The following DAB1 variants were observed in gnomAD, a reference collection of about 807,000 sequenced individuals.
DAB1 encodes disabled homolog 1.
DAB1 carries 15 observed loss-of-function variants against 64.6 expected under a neutral mutation model. The ratio of observed to expected loss-of-function variants is 0.23; its 90% CI spans 0.16 to 0.36. The LOEUF is 0.36. DAB1 is among the 10% of genes least tolerant of loss of function. The probability of loss-of-function intolerance (pLI) is 1.00; values close to 1 mark genes in which losing one functional copy is unlikely to be tolerated. For synonymous variants in DAB1, 235 were observed against 251.9 expected (o/e 0.93, Z 0.64); for missense variants, 596 against 706.7 (o/e 0.84, Z 1.78).
At chr1:57,283,892 C>T (rs1558088049) in intron 2 of DAB1, among the ~76,000 whole-genome samples, 2 of 152,214 alleles carry the variant, frequency 1.3e-5, no homozygotes. Context: ...CCTGTGACAA[C>T]CAGGCTGTGG....
chr1:58,022,776 A>T (rs1328633814), intron 5 of DAB1, among the ~76,000 whole-genome samples: 1 of 152,212 alleles, frequency 6.6e-6, no homozygotes, highest in East Asian at 1.9e-4. Flanking sequence ...TTTCTATTAC[A>T]TCTTTGTATC....
intron 2 of DAB1, among the ~76,000 whole-genome samples, chr1:57,198,903 C>A (rs1169331665): frequency 6.6e-6 from 1 of 152,064 alleles, no homozygotes; most frequent in Non-Finnish European, 1.5e-5. Context: ...TGGAATAGGA[C>A]AAGAGCATAA....
intron 6 of DAB1, among the ~76,000 whole-genome samples, chr1:57,786,961 G>T (rs886525573): frequency 1.3e-5 from 2 of 151,776 alleles, no homozygotes; most frequent in East Asian, 3.9e-4. Context: ...TAACAAAAAC[G>T]ATGCAAATTT....
At chr1:57,544,498 T>C (rs1031903563) in intron 7 of DAB1, among the ~76,000 whole-genome samples, 2 of 152,230 alleles carry the variant, frequency 1.3e-5, no homozygotes, top group Admixed American at 1.3e-4. Context: ...TTCTAGATTA[T>C]TGTAGTCACT....
chr1:58,476,612 T>C (rs1434310590), intron 3 of DAB1, among the ~76,000 whole-genome samples: 2 of 152,104 alleles, frequency 1.3e-5, no homozygotes, highest in African/African-American at 2.4e-5. Flanking sequence ...AAGTGGGAGA[T>C]TTATCTCATC....
intron 2 of DAB1, among the ~76,000 whole-genome samples, chr1:57,187,178 A>G (rs1337345714): frequency 6.6e-6 from 1 of 152,198 alleles, no homozygotes; most frequent in Non-Finnish European, 1.5e-5. Context: ...AACACCTTGA[A>G]TCTTAAAAAT....
intron 4 of DAB1, among the ~76,000 whole-genome samples, chr1:58,311,372 A>G (rs901063539): frequency 4.0e-5 from 6 of 150,200 alleles, no homozygotes; most frequent in African/African-American, 1.2e-4. Flanking sequence ...TCTCTTTGAC[A>G]ACACTTATTT....
At chr1:57,785,724 G>A (rs909124802) in intron 6 of DAB1, among the ~76,000 whole-genome samples, 2 of 152,118 alleles carry the variant, frequency 1.3e-5, no homozygotes, top group Non-Finnish European at 2.9e-5. Context: ...ATCAAATAAA[G>A]TTCAGAATCA....
intron 4 of DAB1, among the ~76,000 whole-genome samples, chr1:58,193,147 A>G (rs900480189): frequency 9.8e-5 from 15 of 152,298 alleles, no homozygotes; most frequent in African/African-American, 3.6e-4. Flanking sequence ...AAGATCCCTC[A>G]TGAGTAGATT....
At chr1:57,393,477 A>C (rs1039483451) in intron 1 of DAB1, among the ~76,000 whole-genome samples, 1 of 151,874 alleles carries the variant, frequency 6.6e-6, no homozygotes, top group African/African-American at 2.4e-5. Flanking sequence ...TGACTGCTTG[A>C]GCCCCGGAGT....
intron 4 of DAB1, among the ~76,000 whole-genome samples, chr1:57,130,305 A>G (rs1421874128): frequency 6.6e-6 from 1 of 152,198 alleles, no homozygotes; most frequent in African/African-American, 2.4e-5. Context: ...CCTAAGACAT[A>G]GGTACATTTA....
At chr1:57,297,453 C>T (rs1315994777) in intron 1 of DAB1, among the ~76,000 whole-genome samples, 1 of 151,838 alleles carries the variant, frequency 6.6e-6, no homozygotes, top group African/African-American at 2.4e-5. Context: ...ATATGTGCAC[C>T]TTATATTCAG....
intron 5 of DAB1, chr1:58,074,572 A>G (rs867856715): frequency 0.012 from 1,378 of 117,946 alleles, 59 homozygotes; most frequent in South Asian, 0.11. Flanking sequence ...GTGTATATAT[A>G]TATATATATA....
chr1:57,176,159 T>C (rs1163750266), intron 2 of DAB1, among the ~76,000 whole-genome samples: 1 of 152,148 alleles, frequency 6.6e-6, no homozygotes, highest in Admixed American at 6.6e-5. Flanking sequence ...CTTTATGACA[T>C]TTTAGTTTCA....
chr1:57,862,492 T>G (rs1654095625), intron 1 of DAB1: 1 of 152,176 alleles, frequency 6.6e-6, no homozygotes, highest in South Asian at 2.1e-4. Flanking sequence ...CTGCTCCGCT[T>G]AGGGAACTTG....
intron 5 of DAB1, chr1:58,048,354 C>A: frequency 1.0e-6 from 1 of 998,318 alleles, no homozygotes; most frequent in Non-Finnish European, 1.6e-6. Context: ...TTGCCCAAAT[C>A]ACTGTAGCTT....
At chr1:57,838,121 T>C (rs1358915939) in intron 1 of DAB1, among the ~76,000 whole-genome samples, 2 of 152,128 alleles carry the variant, frequency 1.3e-5, no homozygotes, top group East Asian at 3.9e-4. Flanking sequence ...TCTTAAGTAT[T>C]ATTCCCTTTT....
chr1:58,201,363 C>T (rs1457839373), intron 4 of DAB1, among the ~76,000 whole-genome samples: 1 of 152,168 alleles, frequency 6.6e-6, no homozygotes, highest in African/African-American at 2.4e-5. Flanking sequence ...TTGACAAGTG[C>T]CCTTTCAGAA....
At chr1:57,119,363 T>C (rs2100747523) in intron 4 of DAB1, among the ~76,000 whole-genome samples, 1 of 152,286 alleles carries the variant, frequency 6.6e-6, no homozygotes. Context: ...TCTGAAAGAC[T>C]GGATTTATTT....
Sources: gnomAD v4.1 joint callset for allele counts (sites outside exome capture counted in the v4.1 genomes callset) on GRCh38, gnomAD v4.1.1 for gene constraint, MANE v1.5 for transcripts, NCBI Gene and HGNC (gene_info 2026-07-23, HGNC 2026-07-21) for gene names.